The following HMGCLL1 variants were observed in gnomAD, a reference collection of about 807,000 sequenced individuals.
HMGCLL1 encodes the protein 3-hydroxy-3-methylglutaryl-CoA lyase like 1, also known as 3-hydroxymethyl-3-methylglutaryl-CoA lyase, cytoplasmic.
HMGCLL1 carries 36 observed loss-of-function variants against 39.1 expected under a neutral mutation model. That is an observed-to-expected ratio of 0.92 (90% CI 0.71 to 1.22). The LOEUF (loss-of-function observed/expected upper bound fraction) is 1.22. HMGCLL1 is among the 50% of genes most tolerant of loss of function. HMGCLL1 has a pLI of 0.00. For missense variants in HMGCLL1, 451 were observed against 416.5 expected, an observed-to-expected ratio of 1.08 and a Z score of -0.72; for synonymous variants, 149 against 144.0, an observed-to-expected ratio of 1.03 and a Z score of -0.25.
At chr6:55,449,816 G>C (rs780328202) in intron 7 of HMGCLL1, among the ~76,000 whole-genome samples, 3 of 152,108 alleles carry the variant, frequency 2.0e-5, no homozygotes, top group Non-Finnish European at 4.4e-5. Context: ...GTCACACACA[G>C]GGAAGGAGCT....
intron 8 of HMGCLL1, among the ~76,000 whole-genome samples, chr6:55,437,179 C>T (rs1277918657): frequency 7.0e-6 from 1 of 143,384 alleles, no homozygotes; most frequent in Non-Finnish European, 1.5e-5. Flanking sequence ...CAGTAGATAT[C>T]ATTATGAAAC....
intron 3 of HMGCLL1, among the ~76,000 whole-genome samples, chr6:55,540,386 T>C (rs1256191378): frequency 1.3e-5 from 2 of 152,096 alleles, no homozygotes; most frequent in East Asian, 3.9e-4. Context: ...CTTTGGGAGA[T>C]AACTAGGTGA....
At chr6:55,452,084 T>C (rs922235109) in intron 7 of HMGCLL1, among the ~76,000 whole-genome samples, 15 of 152,170 alleles carry the variant, frequency 9.9e-5, no homozygotes, top group Non-Finnish European at 1.8e-4. Flanking sequence ...TCAAGGTGCA[T>C]ATAGGCCTAT....
rs746489536 is a variant in HMGCLL1, at chr6:55,577,156, T to C, written c.108+1792A>G. The C allele has an allele frequency of 1.0e-5, 16 of 1,593,026 alleles. No homozygotes were observed. In the African/African-American group the frequency reaches 1.2e-4, roughly 12 times the overall value. On this transcript the variant is annotated intron_variant, in intron 1 of 8. Coordinates refer to ENST00000274901, the MANE Select transcript of HMGCLL1 (RefSeq NM_001042406.2). ...CGGGCTGAAAGCAGTGAAGGTTTGT[T>C]AGAAGAGAAGTCTAGGAAGATAAAG... is the stretch of plus-strand genomic sequence containing the variant.
intron 1 of HMGCLL1, among the ~76,000 whole-genome samples, chr6:55,546,929 C>T (rs770725779): frequency 2.6e-5 from 4 of 152,122 alleles, no homozygotes; most frequent in Non-Finnish European, 4.4e-5. Flanking sequence ...CCACGTTTGG[C>T]ATCAGATTTC....
chr6:55,498,970 C>A (rs528109158), intron 6 of HMGCLL1, among the ~76,000 whole-genome samples: 1 of 151,116 alleles, frequency 6.6e-6, no homozygotes, highest in South Asian at 2.1e-4. Flanking sequence ...CACAAAAAAA[C>A]AAAATGTATA....
chr6:55,481,896 T>C (rs1434987699), intron 7 of HMGCLL1, among the ~76,000 whole-genome samples: 1 of 152,132 alleles, frequency 6.6e-6, no homozygotes, highest in Non-Finnish European at 1.5e-5. Flanking sequence ...ATTTATTTAC[T>C]AGTGTTCTTT....
chr6:55,579,713 G>GT (rs1561975072), upstream of HMGCLL1, among the ~76,000 whole-genome samples: 1 of 152,188 alleles, frequency 6.6e-6, no homozygotes, highest in Non-Finnish European at 1.5e-5. Flanking sequence ...GAGGTAAGCT[G>GT]TAAGTTGGTG....
the HMGCLL1 span, among the ~76,000 whole-genome samples, chr6:55,649,601 G>T: frequency 6.6e-6 from 1 of 151,722 alleles, no homozygotes; most frequent in African/African-American, 2.4e-5. Flanking sequence ...TAATCTTCTT[G>T]TACTTGAATG....
the HMGCLL1 span, among the ~76,000 whole-genome samples, chr6:55,605,218 A>T: frequency 2.6e-5 from 4 of 152,216 alleles, no homozygotes; most frequent in South Asian, 4.1e-4. Context: ...TCCATTTAAG[A>T]TGGGCTAACT....
At chr6:55,616,912 T>C in the HMGCLL1 span, among the ~76,000 whole-genome samples, 1,227 of 152,058 alleles carry the variant, frequency 8.1e-3, 11 homozygotes, top group Non-Finnish European at 0.011. Context: ...AAAAGATCTA[T>C]TGGAAATTTA....
At chr6:55,550,602 A>T (rs1770275508) in intron 1 of HMGCLL1, among the ~76,000 whole-genome samples, 1 of 151,934 alleles carries the variant, frequency 6.6e-6, no homozygotes, top group East Asian at 1.9e-4. Context: ...GCCAGGAGTG[A>T]ACTGAGGAAG....
At chr6:55,598,218 A>G in the HMGCLL1 span, among the ~76,000 whole-genome samples, 2 of 152,306 alleles carry the variant, frequency 1.3e-5, 1 homozygote, top group African/African-American at 4.8e-5. Context: ...TATATACAGA[A>G]CATGTCCTGT....
At chr6:55,439,155 T>C (rs1317564494) in intron 8 of HMGCLL1, among the ~76,000 whole-genome samples, 16 of 151,962 alleles carry the variant, frequency 1.1e-4, no homozygotes. Context: ...TCACAAAGTG[T>C]ATAAAATCAA....
intron 6 of HMGCLL1, among the ~76,000 whole-genome samples, chr6:55,496,687 G>A (rs1766600222): frequency 6.6e-6 from 1 of 151,586 alleles, no homozygotes; most frequent in African/African-American, 2.4e-5. Context: ...GATGCTGGAA[G>A]TGCTCCCAAG....
chr6:55,541,627 T>C (rs902573472), intron 3 of HMGCLL1, 102 bp downstream of exon 3: 15 of 650,326 alleles, frequency 2.3e-5, no homozygotes, highest in Non-Finnish European at 4.1e-5. Context: ...TGAAAGAATA[T>C]GGAAAATTAG....
At chr6:55,574,918 T>C (rs553670963) in intron 1 of HMGCLL1, among the ~76,000 whole-genome samples, 2 of 152,012 alleles carry the variant, frequency 1.3e-5, no homozygotes, top group South Asian at 4.1e-4. Flanking sequence ...ATAAATTTAA[T>C]CTCACATAAT....
chr6:55,599,635 A>T, the HMGCLL1 span, among the ~76,000 whole-genome samples: 1 of 152,310 alleles, frequency 6.6e-6, no homozygotes, highest in Non-Finnish European at 1.5e-5. Context: ...TTACTATCAC[A>T]GAGATTATAA....
At chr6:55,608,695 CTG>C in the HMGCLL1 span, among the ~76,000 whole-genome samples, 2 of 152,168 alleles carry the variant, frequency 1.3e-5, no homozygotes, top group Non-Finnish European at 2.9e-5. Context: ...AAAAATAAAA[CTG>C]TGTAAAACCT....
Sources: gnomAD v4.1 joint callset for allele counts (sites outside exome capture counted in the v4.1 genomes callset) on GRCh38, gnomAD v4.1.1 for gene constraint, MANE v1.5 for transcripts, NCBI Gene and HGNC (gene_info 2026-07-23, HGNC 2026-07-21) for gene names.